The following NAGA variants were observed in gnomAD, a reference collection of about 807,000 sequenced individuals.
NAGA encodes the protein alpha-N-acetylgalactosaminidase, also known as Acetylgalactosaminidase, alpha-N- (alpha-galactosidase B).
Under a neutral mutation model 45.6 loss-of-function variants are expected in NAGA, and 42 were observed. That is an observed-to-expected ratio of 0.92 (90% CI 0.72 to 1.19). The LOEUF (loss-of-function observed/expected upper bound fraction) is 1.19, where lower values mean the gene tolerates loss of function less well. Among genes scored for constraint, NAGA ranks in the 50% most tolerant of loss-of-function variants. The pLI is 0.00. For missense variants in NAGA, 493 were observed against 544.8 expected (o/e 0.90, Z 0.95); for synonymous variants, 176 against 203.1 (o/e 0.87, Z 1.13).
At chr22:42,061,357 G>A (rs567327282) in intron 7 of NAGA, among the ~76,000 whole-genome samples, 1 of 152,372 alleles carries the variant, frequency 6.6e-6, no homozygotes, top group East Asian at 1.9e-4. Context: ...GACAACGGGA[G>A]GGATAAACGC....
rs1028674665 is a variant in NAGA at position 42,060,333 on chromosome 22, C to T, written c.1182G>A (p.Gly394=). Residue 394 remains glycine, a synonymous_variant, in exon 9 of 9, where the codon GGG becomes GGA. Transcript: ENST00000396398. ...TNFTVIINPS[G]VVMWYLYPIK... ...TGGGATACAGGTACCACATCACTAC[C>T]CCTGAAGGGTTGATGATCACTGTGA... 8 of 1,613,670 alleles carry T rather than the reference C, an allele frequency of 5.0e-6. No homozygotes were observed. Among genetic ancestry groups the T allele is most frequent in the South Asian group, 3.3e-5 (3 of 91,046 alleles).
At chr22:42,063,768 C>T (rs912737085) in intron 6 of NAGA, among the ~76,000 whole-genome samples, 1 of 152,266 alleles carries the variant, frequency 6.6e-6, no homozygotes, top group Non-Finnish European at 1.5e-5. Context: ...AAAACCTCTT[C>T]CTTCTTTAAT....
intron 6 of NAGA, among the ~76,000 whole-genome samples, chr22:42,065,516 A>G (rs1417103526): frequency 6.6e-6 from 1 of 152,226 alleles, no homozygotes; most frequent in Non-Finnish European, 1.5e-5. Context: ...GGAGATGGTT[A>G]ACAGTGTTCT....
chr22:42,066,716 G>C lies in NAGA; in HGVS notation c.591C>G (p.Pro197=), dbSNP rs760412026. ...AGGGGGCAGAATGGCTTACCCTTGGGGGGAGGCCGCCTTCATAGGCTGGCC... is the reference window on the plus strand; with the variant it reads ...AGGGGGCAGAATGGCTTACCCTTGGCGGGAGGCCGCCTTCATAGGCTGGCC... The part of the protein sequence containing the change: ...CSWPAYEGGL[P]PRVNYSLLAD... Residue 197 remains proline, a synonymous_variant, in exon 5 of 9, where the codon CCC becomes CCG. Transcript: ENST00000396398. The C allele has an allele frequency of 5.0e-6, 8 of 1,598,826 alleles. No individual in the cohort carries two copies. The highest frequency in any genetic ancestry group is 2.7e-5 in the African/African-American group (2 of 74,718).
rs538578699 is a variant in NAGA at position 42,059,707 on chromosome 22, C to T, written c.*572G>A. On this transcript the variant is annotated 3_prime_UTR_variant, in exon 9 of 9. Transcript: ENST00000396398. The stretch of plus-strand genomic sequence containing the variant: ...GAGGTGAGATTTGAATCCAGCACCC[C>T]GTGTAGTGCCACCAGAGTCCCTAAC... The T allele has an allele frequency of 1.8e-4, 29 of 160,744 alleles. No homozygotes were observed. The East Asian group carries it at 2.1e-3, about 12-fold the overall frequency. 10.0% of individuals were successfully genotyped at this position (160,744 alleles called of 1,614,324 possible). A position where few individuals can be genotyped will look rare whatever the true frequency, so the allele number is the denominator to read the frequency against.
At position 42,062,847 on chromosome 22, in the gene NAGA, G is replaced by A. The variant is rs1235864078; in HGVS notation, c.937C>T (p.Gln313Ter). The A allele has an allele frequency of 6.2e-7, 1 of 1,613,992 alleles. No individual in the cohort carries two copies. Among genetic ancestry groups the A allele is most frequent in the Non-Finnish European group, 8.5e-7 (1 of 1,180,002 alleles). The change falls in exon 7 of 9, where the codon CAG (glutamine) becomes TAG (stop). Residue 313 changes from glutamine (Q) to a stop codon, truncating the protein, a stop_gained. Coordinates refer to ENST00000396398, the MANE Select transcript of NAGA (RefSeq NM_000262.3). LOFTEE classifies it high-confidence loss of function. Reference protein sequence around the residue: ...IKINQDPLGIQGRRIHKEKSL... With the variant: ...IKINQDPLGI ...AGTACCTTGTGAATCCTGCGTCCCT[G>A]GATGCCTAAGGGATCCTGGTTGATT...
rs199980021 is a variant in NAGA, at chr22:42,060,940, C to A, written c.1085G>T (p.Gly362Val). 1 of 1,614,142 alleles carries A rather than the reference C, an allele frequency of 6.2e-7. No homozygotes were observed. Among genetic ancestry groups the A allele is most frequent in the African/African-American group, 1.3e-5 (1 of 75,042 alleles). ...GGTGCTCACCTCATATATCACAGAC[C>A]CGGTGAAGTTCAGCTGGCCAAGGGA... ...HSSLGQLNFT[G>V]SVIYEAQDVY... The change falls in exon 8 of 9, where the codon GGG becomes GTG. Residue 362 changes from glycine to valine, a missense_variant. Physicochemically the swap from Gly to Val is moderately radical, Grantham distance 109. Transcript: ENST00000396398.
rs945628890 is a variant in NAGA at position 42,060,152 on chromosome 22, G to T, written c.*127C>A. 1.9e-5 allele frequency: 24 copies of T among 1,260,632 alleles called. No individual in the cohort carries two copies. Among genetic ancestry groups the T allele is most frequent in the Middle Eastern group, 2.6e-4 (1 of 3,846 alleles). The allele number at this position is 1,260,632 out of a possible 1,614,324, so 78.1% of individuals were successfully genotyped here. On this transcript the variant is annotated 3_prime_UTR_variant, in exon 9 of 9. Transcript: ENST00000396398. ...AACCTGGCCGTGAGATTGCACTTTG[G>T]GTATGATGGGGTCAGTCACCGAGCA...
At chr22:42,068,618 C>G (rs1401428243) in intron 1 of NAGA, 44 bp from the exon 2 acceptor site, 1 of 1,611,180 alleles carries the variant, frequency 6.2e-7, no homozygotes, top group Admixed American at 1.7e-5. Flanking sequence ...CAGTTGCCCC[C>G]ACAGCTCCAG....
intron 7 of NAGA, among the ~76,000 whole-genome samples, chr22:42,061,809 G>A (rs1237949059): frequency 1.3e-5 from 2 of 151,998 alleles, no homozygotes; most frequent in East Asian, 3.9e-4. Context: ...AAAATTAGCC[G>A]GGTGTGGTGG....
At chr22:42,064,597 A>G (rs904939030) in intron 6 of NAGA, among the ~76,000 whole-genome samples, 2 of 152,006 alleles carry the variant, frequency 1.3e-5, no homozygotes, top group Non-Finnish European at 2.9e-5. Flanking sequence ...GTAAGCCGAG[A>G]TCGCGCCATT....
chr22:42,063,541 G>C lies in NAGA; in HGVS notation c.760-517C>G, dbSNP rs1302457610. 2.0e-5 allele frequency among the ~76,000 whole-genome samples: 3 copies of C among 152,162 alleles called. No homozygotes were observed. In the South Asian group the frequency reaches 6.2e-4, roughly 32 times the overall value. On this transcript the variant is annotated intron_variant, in intron 6 of 8. Coordinates refer to ENST00000396398, the MANE Select transcript of NAGA (RefSeq NM_000262.3). ...CTGACCTAAACTACTTGTGTTATCT[G>C]CAAATTCCAGATACTGTATGAAAAA... is the stretch of plus-strand genomic sequence containing the variant.
chr22:42,064,626 CAG>C (rs1028191558), intron 6 of NAGA, among the ~76,000 whole-genome samples: 69 of 152,164 alleles, frequency 4.5e-4, no homozygotes, highest in African/African-American at 1.5e-3. Context: ...GCCTGGGCGA[CAG>C]AGCAAGACTC....
At chr22:42,065,369 G>C (rs757637372) in intron 6 of NAGA, among the ~76,000 whole-genome samples, 1 of 152,180 alleles carries the variant, frequency 6.6e-6, no homozygotes, top group African/African-American at 2.4e-5. Flanking sequence ...AAAAGGATCA[G>C]AGGCACACGG....
chr22:42,070,418 G>C lies in NAGA; in HGVS notation c.-121C>G. On this transcript the variant is annotated 5_prime_UTR_variant, in exon 1 of 9. Coordinates refer to ENST00000396398, the MANE Select transcript of NAGA (RefSeq NM_000262.3). Reference sequence around the variant, plus strand: ...CACTGGGGTCACGGCTGCCTGGCTAGCTCGGCCGCCCTCAACCTTAGGCGT... The same window carrying C: ...CACTGGGGTCACGGCTGCCTGGCTACCTCGGCCGCCCTCAACCTTAGGCGT... 1 of 1,242,072 alleles carries C rather than the reference G, an allele frequency of 8.1e-7. No homozygotes were observed. 76.9% of individuals were successfully genotyped at this position (1,242,072 alleles called of 1,614,324 possible). A position where few individuals can be genotyped will look rare whatever the true frequency, so the allele number is the denominator to read the frequency against.
In NAGA at chr22:42,066,712, T is replaced by G. The variant is rs371198022; in HGVS notation, c.595A>C (p.Arg199=). The change falls in exon 5 of 9, where the codon AGG becomes CGG. Residue 199 remains arginine (R), a splice_region_variant and synonymous_variant. Coordinates refer to ENST00000396398, the MANE Select transcript of NAGA (RefSeq NM_000262.3). ...AGGCAGGGGGCAGAATGGCTTACCC[T>G]TGGGGGGAGGCCGCCTTCATAGGCT... ...WPAYEGGLPP[R]VNYSLLADIC... 3.1e-5 allele frequency: 49 copies of G among 1,596,996 alleles called. No homozygotes were observed. Among genetic ancestry groups the G allele is most frequent in the East Asian group, 2.5e-4 (11 of 44,168 alleles).
chr22:42,063,915 G>A (rs969017943), intron 6 of NAGA, among the ~76,000 whole-genome samples: 4 of 152,178 alleles, frequency 2.6e-5, no homozygotes, highest in Non-Finnish European at 4.4e-5. Context: ...TTACCCAGGC[G>A]TGGTGGTAAA....
At chr22:42,069,643 G>A (rs963112133) in intron 1 of NAGA, among the ~76,000 whole-genome samples, 3 of 150,188 alleles carry the variant, frequency 2.0e-5, no homozygotes, top group African/African-American at 7.4e-5. Context: ...AAAAAAAAGT[G>A]CGACAACGCA....
chr22:42,063,061 C>G, intron 6 of NAGA, 37 bp from the exon 7 acceptor site: 1 of 1,597,176 alleles, frequency 6.3e-7, no homozygotes, highest in Non-Finnish European at 8.6e-7. Flanking sequence ...GCTCTCATCT[C>G]CTCAAGGAGG....
Sources: gnomAD v4.1 joint callset for allele counts (sites outside exome capture counted in the v4.1 genomes callset) on GRCh38, gnomAD v4.1.1 for gene constraint, MANE v1.5 for transcripts, NCBI Gene and HGNC (gene_info 2026-07-23, HGNC 2026-07-21) for gene names.